The following SLAIN1 variants were observed in gnomAD, a reference collection of about 807,000 sequenced individuals.
SLAIN1 encodes SLAIN family member 1, also known as SLAIN motif-containing protein 1.
Under a neutral mutation model 55.4 loss-of-function variants are expected in SLAIN1, and 17 were observed. That is an observed-to-expected ratio of 0.31 (90% CI 0.21 to 0.46). The LOEUF (loss-of-function observed/expected upper bound fraction) is 0.46, where lower values mean the gene tolerates loss of function less well. SLAIN1 is among the 20% of genes least tolerant of loss of function. The pLI is 1.00. For missense variants in SLAIN1, 682 were observed against 785.1 expected, an observed-to-expected ratio of 0.87 and a Z score of 1.57; for synonymous variants, 348 against 337.4, an observed-to-expected ratio of 1.03 and a Z score of -0.35.
intron 1 of SLAIN1, among the ~76,000 whole-genome samples, chr13:77,717,588 C>T (rs778486668): frequency 2.0e-5 from 3 of 152,110 alleles, no homozygotes; most frequent in Non-Finnish European, 4.4e-5. Context: ...TTCCACCTCC[C>T]TTTAAGGAAA....
chr13:77,717,029 T>A (rs2154409625), intron 1 of SLAIN1, among the ~76,000 whole-genome samples: 1 of 152,268 alleles, frequency 6.6e-6, no homozygotes, highest in Non-Finnish European at 1.5e-5. Flanking sequence ...TGTTTCTTTC[T>A]GTTTCCGATT....
chr13:77,716,165 A>C (rs2091205065), intron 1 of SLAIN1, among the ~76,000 whole-genome samples: 1 of 151,684 alleles, frequency 6.6e-6, no homozygotes, highest in African/African-American at 2.4e-5. Context: ...TTGTTCCAAC[A>C]CCATTTATTT....
At chr13:77,759,842 G>A (rs911549014) in intron 5 of SLAIN1, among the ~76,000 whole-genome samples, 1 of 151,916 alleles carries the variant, frequency 6.6e-6, no homozygotes, top group Non-Finnish European at 1.5e-5. Context: ...CAGTATTTCT[G>A]TGTATAGATT....
At chr13:77,755,274 G>A (rs1874516129) in intron 5 of SLAIN1, among the ~76,000 whole-genome samples, 1 of 151,688 alleles carries the variant, frequency 6.6e-6, no homozygotes, top group Admixed American at 6.6e-5. Flanking sequence ...AGCCAAGATT[G>A]CACCACTGCA....
intron 5 of SLAIN1, among the ~76,000 whole-genome samples, chr13:77,759,916 G>A (rs1444742170): frequency 6.6e-6 from 1 of 151,974 alleles, no homozygotes; most frequent in Admixed American, 6.6e-5. Context: ...TATTTTTAAG[G>A]AAATATTTTC....
chr13:77,755,742 A>G (rs1874555576), intron 5 of SLAIN1, among the ~76,000 whole-genome samples: 1 of 152,218 alleles, frequency 6.6e-6, no homozygotes, highest in Admixed American at 6.5e-5. Flanking sequence ...TGTAAAAGCA[A>G]TGAGGAAAAT....
intron 5 of SLAIN1, among the ~76,000 whole-genome samples, chr13:77,758,528 ATAT>A (rs962256324): frequency 3.9e-5 from 6 of 152,028 alleles, no homozygotes; most frequent in African/African-American, 1.4e-4. Flanking sequence ...AATTTTTCCA[ATAT>A]TATCTTCTAG....
intron 5 of SLAIN1, among the ~76,000 whole-genome samples, chr13:77,755,590 A>C (rs1430727958): frequency 6.6e-6 from 1 of 152,168 alleles, no homozygotes; most frequent in Non-Finnish European, 1.5e-5. Flanking sequence ...CTAATGGCCA[A>C]ATTTGGGGCA....
At chr13:77,725,664 G>A (rs554802466) in intron 2 of SLAIN1, among the ~76,000 whole-genome samples, 46 of 152,240 alleles carry the variant, frequency 3.0e-4, no homozygotes, top group African/African-American at 1.0e-3. Flanking sequence ...TGTGGAGAGG[G>A]GCATAGCTGT....
chr13:77,739,788 G>T (rs1290268378), intron 2 of SLAIN1, among the ~76,000 whole-genome samples: 2 of 151,910 alleles, frequency 1.3e-5, no homozygotes, highest in African/African-American at 4.8e-5. Flanking sequence ...TGATTTTCTT[G>T]ATTTTATCAC....
chr13:77,744,089 CAATG>C (rs1333440274), intron 2 of SLAIN1, 190 bp from the exon 3 acceptor site: 8 of 583,084 alleles, frequency 1.4e-5, no homozygotes, highest in Admixed American at 5.9e-5. Flanking sequence ...AATTTGAAAA[CAATG>C]AACAAGTGGT....
Position 77,735,271 on chromosome 13 carries a change from GACTGGA to G in SLAIN1, c.767-9008_767-9003del, listed in dbSNP as rs561757030. ...CAAAGCTAGTATGTGGCAGGATGAA[GACTGGA>G]ACTCGGGCATCTGAATTCTTACTGA... On this transcript the variant is annotated intron_variant, in intron 2 of 6. Coordinates refer to ENST00000418532, the MANE Select transcript of SLAIN1 (RefSeq NM_001242868.2). Among the ~76,000 whole-genome samples the G allele has an allele frequency of 2.5e-3, 380 of 152,180 alleles. 4 individuals carry two copies. The highest frequency in any genetic ancestry group is 8.8e-3 in the African/African-American group (364 of 41,542).
intron 1 of SLAIN1, among the ~76,000 whole-genome samples, chr13:77,700,992 T>C (rs368742905): frequency 6.6e-5 from 10 of 152,184 alleles, no homozygotes; most frequent in African/African-American, 2.4e-4. Context: ...CAACAATCAA[T>C]ATACAAACAT....
intron 2 of SLAIN1, among the ~76,000 whole-genome samples, chr13:77,726,290 A>G (rs1187231479): frequency 2.0e-5 from 3 of 152,154 alleles, no homozygotes; most frequent in Admixed American, 1.3e-4. Context: ...CACAACCACA[A>G]TTTTGCAAAT....
At chr13:77,744,548 A>T in intron 3 of SLAIN1, 116 bp downstream of exon 3, 1 of 1,527,812 alleles carries the variant, frequency 6.5e-7, no homozygotes, top group Non-Finnish European at 8.9e-7. Flanking sequence ...TCTTTCTCTC[A>T]TACTGTCCTA....
In SLAIN1 at chr13:77,719,614, A is replaced by C. The variant is rs2091242376; in HGVS notation, c.709A>C (p.Asn237His). Residue 237 changes from asparagine (N) to histidine (H), a missense_variant, in exon 2 of 7, where the codon AAC becomes CAC. Physicochemically the swap from Asn to His is moderately conservative, Grantham distance 68. This residue lies in a region of SLAIN1 where 401 missense variants were observed against 417.3 expected (regional missense o/e 0.96). Transcript: ENST00000418532. ...GCAGTGGTGTAGACATGTCCTAGAT[A>C]ACCCAACTCCTGAGATGGAAGCAGC... ...PLQWCRHVLD[N>H]PTPEMEAARR... 6.2e-7 allele frequency: 1 copy of C among 1,613,430 alleles called. No homozygotes were observed. The highest frequency in any genetic ancestry group is 1.1e-5 in the South Asian group (1 of 91,046).
chr13:77,697,752 G>C lies in SLAIN1; in HGVS notation c.-162G>C, dbSNP rs922034715. The C allele has an allele frequency of 1.7e-6, 1 of 584,222 alleles. No homozygotes were observed. The allele number at this position is 584,222 out of a possible 1,614,324, so 36.2% of individuals were successfully genotyped here. A position where few individuals can be genotyped will look rare whatever the true frequency, so the allele number is the denominator to read the frequency against. Reference sequence around the variant, plus strand: ...GGTGGTGGCTGCCGCGGCCGGAGGCGAGGGCCCGGTGCTGATGCGAACCGC... The same window carrying C: ...GGTGGTGGCTGCCGCGGCCGGAGGCCAGGGCCCGGTGCTGATGCGAACCGC... On this transcript the variant is annotated 5_prime_UTR_variant, in exon 1 of 7. Coordinates refer to ENST00000418532, the MANE Select transcript of SLAIN1 (RefSeq NM_001242868.2).
intron 2 of SLAIN1, among the ~76,000 whole-genome samples, chr13:77,721,793 A>G (rs1022813916): frequency 6.7e-6 from 1 of 150,234 alleles, no homozygotes; most frequent in East Asian, 1.9e-4. Context: ...CACAAAATGT[A>G]TATATTTTTC....
intron 2 of SLAIN1, among the ~76,000 whole-genome samples, chr13:77,720,245 A>G (rs145643029): frequency 3.0e-4 from 46 of 152,284 alleles, no homozygotes; most frequent in Non-Finnish European, 5.9e-4. Flanking sequence ...TTGCTATTTG[A>G]TGCAGGGAAC....
Sources: allele counts gnomAD v4.1 joint callset (sites outside exome capture counted in the v4.1 genomes callset), GRCh38; gene constraint gnomAD v4.1.1; regional missense constraint gnomAD v4.1.1; transcripts MANE v1.5; gene names NCBI Gene and HGNC (gene_info 2026-07-23, HGNC 2026-07-21).